CALN1: variants seen among roughly 807,000 people sequenced by gnomAD.
CALN1 encodes the protein calneuron 1.
CALN1 carries 17 observed loss-of-function variants against 30.6 expected under a neutral mutation model. That is an observed-to-expected ratio of 0.56 (90% CI 0.38 to 0.83). CALN1 has a LOEUF of 0.83. Ranked by LOEUF, CALN1 falls within the 40% of genes least tolerant of loss-of-function variation. The probability of loss-of-function intolerance (pLI) is 0.00; values close to 1 mark genes in which losing one functional copy is unlikely to be tolerated. For synonymous variants in CALN1, 156 were observed against 131.4 expected (o/e 1.19, Z -1.28); for missense variants, 291 against 354.9 (o/e 0.82, Z 1.45).
At chr7:72,390,478 C>A (rs1444581210) in intron 2 of CALN1, among the ~76,000 whole-genome samples, 2 of 152,054 alleles carry the variant, frequency 1.3e-5, no homozygotes. Flanking sequence ...TGCCCTGAGA[C>A]AGTGAAACGT....
At chr7:72,420,643 A>G (rs1376296577) in intron 1 of CALN1, among the ~76,000 whole-genome samples, 13 of 104,498 alleles carry the variant, frequency 1.2e-4, no homozygotes, top group African/African-American at 1.7e-4. Flanking sequence ...TTTTTTTTTG[A>G]GACGGAGCCT....
chr7:71,897,935 A>G (rs1049041902), intron 5 of CALN1, among the ~76,000 whole-genome samples: 1 of 145,600 alleles, frequency 6.9e-6, no homozygotes, highest in Non-Finnish European at 1.5e-5. Flanking sequence ...AATGTTGTCA[A>G]TCTAGCCAAG....
intron 5 of CALN1, among the ~76,000 whole-genome samples, chr7:71,966,620 G>T (rs1797541638): frequency 6.6e-6 from 1 of 152,106 alleles, no homozygotes; most frequent in South Asian, 2.1e-4. Context: ...GGCTTTTTCA[G>T]AAGCTCAGCA....
chr7:72,150,607 A>T (rs1787156501), intron 3 of CALN1, among the ~76,000 whole-genome samples: 1 of 152,196 alleles, frequency 6.6e-6, no homozygotes. Flanking sequence ...CAACCAATGC[A>T]AAGATCTTGA....
At chr7:72,250,642 CA>C (rs1795489004) in intron 3 of CALN1, among the ~76,000 whole-genome samples, 1 of 152,128 alleles carries the variant, frequency 6.6e-6, no homozygotes, top group Admixed American at 6.5e-5. Context: ...GCCCTCCCTG[CA>C]GTAATGAGTG....
intron 4 of CALN1, among the ~76,000 whole-genome samples, chr7:72,026,991 G>A (rs1584773195): frequency 6.6e-6 from 1 of 152,142 alleles, no homozygotes; most frequent in South Asian, 2.1e-4. Flanking sequence ...GGGCTGGATG[G>A]CCAAACAGTC....
intron 3 of CALN1, among the ~76,000 whole-genome samples, chr7:72,157,933 C>T (rs569136568): frequency 1.3e-4 from 20 of 152,212 alleles, no homozygotes; most frequent in African/African-American, 3.4e-4. Flanking sequence ...TTAATAGAGA[C>T]AGGGTTTCAC....
intron 5 of CALN1, among the ~76,000 whole-genome samples, chr7:71,915,284 G>A (rs924589127): frequency 3.3e-5 from 5 of 152,188 alleles, no homozygotes; most frequent in Admixed American, 6.5e-5. Flanking sequence ...AAAGCAATGA[G>A]GTCATCTCAG....
intron 5 of CALN1, among the ~76,000 whole-genome samples, chr7:72,007,598 TATTC>T (rs1020138910): frequency 6.6e-6 from 1 of 152,292 alleles, no homozygotes; most frequent in Non-Finnish European, 1.5e-5. Flanking sequence ...GAAATTTCCT[TATTC>T]ATTATCAATT....
intron 2 of CALN1, among the ~76,000 whole-genome samples, chr7:72,397,408 T>C (rs1052315830): frequency 6.6e-6 from 1 of 152,088 alleles, no homozygotes; most frequent in Non-Finnish European, 1.5e-5. Context: ...GAGTTGAAGT[T>C]GAGGCAACAA....
chr7:72,265,019 T>C (rs761732556), intron 3 of CALN1, among the ~76,000 whole-genome samples: 1 of 152,186 alleles, frequency 6.6e-6, no homozygotes, highest in Admixed American at 6.5e-5. Flanking sequence ...TTTGTAGTAT[T>C]TGTAGAGACA....
At chr7:72,261,684 T>C (rs1000082739) in intron 3 of CALN1, among the ~76,000 whole-genome samples, 37 of 152,152 alleles carry the variant, frequency 2.4e-4, no homozygotes, top group African/African-American at 8.0e-4. Flanking sequence ...TGCCTCGGCC[T>C]CCAGAAGTGC....
intron 5 of CALN1, among the ~76,000 whole-genome samples, chr7:71,915,783 G>C (rs1366810722): frequency 1.3e-5 from 2 of 152,018 alleles, no homozygotes; most frequent in African/African-American, 2.4e-5. Context: ...CCAAGAGGTA[G>C]AGCAGGGCCC....
intron 5 of CALN1, among the ~76,000 whole-genome samples, chr7:71,927,351 AGGC>A (rs1469304622): frequency 2.6e-5 from 4 of 152,152 alleles, no homozygotes; most frequent in Admixed American, 2.6e-4. Context: ...CTGAGACCAC[AGGC>A]GTGCACCACC....
At chr7:71,935,289 C>G (rs534458360) in intron 5 of CALN1, among the ~76,000 whole-genome samples, 1 of 152,096 alleles carries the variant, frequency 6.6e-6, no homozygotes, top group Non-Finnish European at 1.5e-5. Context: ...GAGCAGACAG[C>G]AAGCAGGGTG....
At chr7:71,845,529 T>A (rs915780399) in intron 5 of CALN1, among the ~76,000 whole-genome samples, 1 of 152,190 alleles carries the variant, frequency 6.6e-6, no homozygotes, top group African/African-American at 2.4e-5. Flanking sequence ...CCTCTGCTGT[T>A]TGGCCTTATT....
chr7:72,173,397 C>T (rs1789113506), intron 3 of CALN1, among the ~76,000 whole-genome samples: 1 of 151,992 alleles, frequency 6.6e-6, no homozygotes, highest in African/African-American at 2.4e-5. Flanking sequence ...CAATTGATTA[C>T]AGAGTTAATG....
At position 72,396,926 on chromosome 7, in the gene CALN1, A is replaced by C. The variant is rs117779990; in HGVS notation, c.119+6325T>G. On this transcript the variant is annotated intron_variant, in intron 2 of 6. Coordinates refer to ENST00000395275, the MANE Select transcript of CALN1 (RefSeq NM_031468.4). ...TAGTAGTAAAAGTAGTAGTAGAACTAGTAAGACAGGGTCTGTCTGTGTTGC... is the reference window on the plus strand; with the variant it reads ...TAGTAGTAAAAGTAGTAGTAGAACTCGTAAGACAGGGTCTGTCTGTGTTGC... 5.3e-3 allele frequency among the ~76,000 whole-genome samples: 806 copies of C among 152,234 alleles called. 11 individuals carry two copies. The highest frequency in any genetic ancestry group is 7.6e-3 in the Non-Finnish European group (514 of 68,014).
At chr7:71,944,453 G>C (rs1796295072) in intron 5 of CALN1, among the ~76,000 whole-genome samples, 1 of 151,566 alleles carries the variant, frequency 6.6e-6, no homozygotes, top group Admixed American at 6.6e-5. Flanking sequence ...AATTAGCCGG[G>C]CATGGTGGCA....
Sources: gnomAD v4.1 joint callset for allele counts (sites outside exome capture counted in the v4.1 genomes callset) on GRCh38, gnomAD v4.1.1 for gene constraint, MANE v1.5 for transcripts, NCBI Gene and HGNC (gene_info 2026-07-23, HGNC 2026-07-21) for gene names.